COL24A1: variants seen among roughly 807,000 people sequenced by gnomAD.
COL24A1 encodes the protein collagen alpha-1(XXIV) chain.
Under a neutral mutation model 253.9 loss-of-function variants are expected in COL24A1, and 224 were observed. The ratio of observed to expected loss-of-function variants is 0.88; its 90% confidence interval spans 0.79 to 0.99. The LOEUF (loss-of-function observed/expected upper bound fraction) is 0.99, where lower values mean the gene tolerates loss of function less well. COL24A1 is among the 50% of genes least tolerant of loss of function. The pLI is 0.00. For synonymous variants in COL24A1, 685 were observed against 673.7 expected (o/e 1.02, Z -0.26); for missense variants, 2,131 against 2,068.5 (o/e 1.03, Z -0.59).
At chr1:86,047,209 A>G (rs1472729903) in intron 11 of COL24A1, among the ~76,000 whole-genome samples, 1 of 152,200 alleles carries the variant, frequency 6.6e-6, no homozygotes, top group African/African-American at 2.4e-5. Context: ...TTCCACATCT[A>G]AGGGACAACG....
At chr1:85,772,418 A>T (rs892768571) in intron 53 of COL24A1, among the ~76,000 whole-genome samples, 4 of 152,030 alleles carry the variant, frequency 2.6e-5, no homozygotes, top group Admixed American at 2.6e-4. Flanking sequence ...AGGGATCTAG[A>T]ACTAGAAATA....
intron 47 of COL24A1, among the ~76,000 whole-genome samples, chr1:85,813,704 C>T (rs1480854812): frequency 1.3e-5 from 2 of 150,920 alleles, no homozygotes; most frequent in Admixed American, 6.6e-5. Context: ...GCGCCCGCCA[C>T]TACGCCCGGC....
At chr1:85,789,493 T>TG (rs1363285638) in intron 47 of COL24A1, among the ~76,000 whole-genome samples, 1 of 152,110 alleles carries the variant, frequency 6.6e-6, no homozygotes, top group African/African-American at 2.4e-5. Flanking sequence ...TATAGGATCA[T>TG]TCATCTGCAA....
chr1:86,022,546 C>T lies in COL24A1; in HGVS notation c.2194G>A (p.Gly732Arg), dbSNP rs1697640801. The change falls in exon 17 of 60, where the codon GGA (glycine) becomes AGA (arginine). Residue 732 changes from glycine to arginine, a missense_variant. Physicochemically the swap from Gly to Arg is moderately radical, Grantham distance 125 (BLOSUM62 -2). Coordinates refer to ENST00000370571, the MANE Select transcript of COL24A1 (RefSeq NM_152890.7). The part of the protein sequence containing the change: ...AGELGEPGYP[G>R]DKGAVGLPGP... ...AATGGTATAAACATTACCTTGTCTCCAGGATACCCGGGTTCTCCTAGCTCT... is the reference window on the plus strand; with the variant it reads ...AATGGTATAAACATTACCTTGTCTCTAGGATACCCGGGTTCTCCTAGCTCT... 2 of 1,611,704 alleles carry T rather than the reference C, an allele frequency of 1.2e-6. No individual in the cohort carries two copies. Among genetic ancestry groups the T allele is most frequent in the South Asian group, 1.1e-5 (1 of 90,478 alleles).
At chr1:85,964,285 T>C (rs1038236645) in intron 23 of COL24A1, among the ~76,000 whole-genome samples, 1 of 152,134 alleles carries the variant, frequency 6.6e-6, no homozygotes, top group Non-Finnish European at 1.5e-5. Context: ...TTGTTGGTGT[T>C]ATAAAAATTA....
At chr1:85,776,396 C>T (rs1422867958) in intron 52 of COL24A1, among the ~76,000 whole-genome samples, 1 of 151,986 alleles carries the variant, frequency 6.6e-6, no homozygotes, top group Non-Finnish European at 1.5e-5. Context: ...GCACTTGAAA[C>T]GAATGTAGTT....
At chr1:85,783,143 T>C (rs1268729349) in intron 51 of COL24A1, among the ~76,000 whole-genome samples, 3 of 152,164 alleles carry the variant, frequency 2.0e-5, no homozygotes, top group Admixed American at 6.6e-5. Context: ...ACAAGCTTCT[T>C]CCAGGTGGTG....
At chr1:85,860,591 A>G (rs1679029280) in intron 37 of COL24A1, among the ~76,000 whole-genome samples, 1 of 152,160 alleles carries the variant, frequency 6.6e-6, no homozygotes. Context: ...AATACAAAAA[A>G]TTAGCCAGGC....
At chr1:86,112,178 T>A (rs945494265) in intron 5 of COL24A1, among the ~76,000 whole-genome samples, 5 of 152,064 alleles carry the variant, frequency 3.3e-5, no homozygotes, top group Admixed American at 2.6e-4. Flanking sequence ...ATTAGGGAAG[T>A]GTGGAGCAGG....
intron 13 of COL24A1, among the ~76,000 whole-genome samples, chr1:86,033,290 T>C (rs927017694): frequency 6.6e-6 from 1 of 152,182 alleles, no homozygotes; most frequent in Non-Finnish European, 1.5e-5. Flanking sequence ...GAAAAGAATA[T>C]GTGAATGGCT....
chr1:86,097,507 CT>C (rs1704034993), intron 5 of COL24A1, among the ~76,000 whole-genome samples: 1 of 4,254 alleles, frequency 2.4e-4, no homozygotes, highest in Non-Finnish European at 6.1e-4. Context: ...CTCCCTTCTC[CT>C]CCTCCCTCCT....
chr1:86,153,269 G>A (rs151029266), intron 1 of COL24A1, among the ~76,000 whole-genome samples: 28 of 129,454 alleles, frequency 2.2e-4, no homozygotes, highest in Admixed American at 1.3e-3. Context: ...CTCTCATTTC[G>A]TTATACTTGG....
At chr1:86,085,454 TG>T (rs535038415) in intron 7 of COL24A1, among the ~76,000 whole-genome samples, 94 of 152,338 alleles carry the variant, frequency 6.2e-4, no homozygotes, top group African/African-American at 2.3e-3. Context: ...ACAACTGCTC[TG>T]AGTTGTGGTA....
chr1:86,020,061 C>CTTTTTTTTTTTTTTTT (rs10582249), intron 18 of COL24A1, among the ~76,000 whole-genome samples: 41 of 102,592 alleles, frequency 4.0e-4, no homozygotes, highest in Non-Finnish European at 4.9e-4. Flanking sequence ...TTCATTCTTT[C>CTTTTTTTTTTTTTTTT]TTTTTTTTTT....
intron 23 of COL24A1, among the ~76,000 whole-genome samples, chr1:85,961,735 T>C (rs1215607101): frequency 1.3e-5 from 2 of 152,204 alleles, no homozygotes; most frequent in African/African-American, 2.4e-5. Context: ...ACAATCATGA[T>C]GGAAGGTAAA....
chr1:85,938,414 C>G lies in COL24A1; in HGVS notation c.2562+22835G>C, dbSNP rs981765247. ...CTTGAGCCCTTCAATTTCCCTGTGT[C>G]CACACCCCAGCAGGCAAAAATAAGT... On this transcript the variant is annotated intron_variant, in intron 24 of 59. Coordinates refer to ENST00000370571, the MANE Select transcript of COL24A1 (RefSeq NM_152890.7). Among the ~76,000 whole-genome samples, 4 of 146,540 alleles carry G rather than the reference C, an allele frequency of 2.7e-5. 1 individual carries two copies. Among genetic ancestry groups the G allele is most frequent in the Non-Finnish European group, 6.0e-5 (4 of 66,440 alleles).
intron 55 of COL24A1, among the ~76,000 whole-genome samples, chr1:85,755,684 T>C (rs1191859725): frequency 6.6e-6 from 1 of 152,132 alleles, no homozygotes; most frequent in African/African-American, 2.4e-5. Flanking sequence ...TGGGATAGAA[T>C]GAAGTTAGAC....
chr1:85,994,017 A>AC (rs1196962043), intron 19 of COL24A1, among the ~76,000 whole-genome samples: 9 of 151,986 alleles, frequency 5.9e-5, no homozygotes, highest in Non-Finnish European at 1.0e-4. Flanking sequence ...TGTTATAGAT[A>AC]AGAGTGACAC....
At chr1:85,984,694 C>G (rs1693559202) in intron 20 of COL24A1, among the ~76,000 whole-genome samples, 1 of 151,852 alleles carries the variant, frequency 6.6e-6, no homozygotes, top group East Asian at 1.9e-4. Flanking sequence ...ACTTCTATTT[C>G]TGCTTTTCAA....
Sources: allele counts gnomAD v4.1 joint callset (sites outside exome capture counted in the v4.1 genomes callset), GRCh38; gene constraint gnomAD v4.1.1; transcripts MANE v1.5; gene names NCBI Gene and HGNC (gene_info 2026-07-23, HGNC 2026-07-21).